Variants in MTERF3 observed in about 807,000 individuals in gnomAD.
MTERF3 encodes mitochondrial transcription termination factor 3.
In MTERF3, 40 loss-of-function variants were observed where a neutral mutation model predicts 40.5. That is an observed-to-expected ratio of 0.99 (90% confidence interval 0.77 to 1.29). MTERF3 has a LOEUF of 1.29. MTERF3 is among the 50% of genes most tolerant of loss of function. The pLI is 0.00. For synonymous variants in MTERF3, 158 were observed against 166.6 expected (o/e 0.95, Z 0.40); for missense variants, 452 against 478.2 (o/e 0.95, Z 0.51).
rs546760109 is a variant in MTERF3 at position 96,241,752 on chromosome 8, T to C, written c.1060-2067A>G. 1.8e-4 allele frequency among the ~76,000 whole-genome samples: 28 copies of C among 152,274 alleles called. No homozygotes were observed. In the South Asian group the frequency reaches 5.6e-3, roughly 30 times the overall value. On this transcript the variant is annotated intron_variant, in intron 7 of 7. Transcript: ENST00000287025. ...CAAAAATTTCATCCTATTAATGACA[T>C]ATTAAATTCTTCGGAGTTAAAAAAA...
chr8:96,250,291 T>C (rs1193041978), intron 4 of MTERF3, among the ~76,000 whole-genome samples: 1 of 149,532 alleles, frequency 6.7e-6, no homozygotes, highest in Non-Finnish European at 1.5e-5. Context: ...ATCATATCTT[T>C]AAGTGCACTC....
At chr8:96,250,628 AGAAGAAGAAGAAGAAG>A (rs1810138416) in intron 4 of MTERF3, among the ~76,000 whole-genome samples, 1 of 19,194 alleles carries the variant, frequency 5.2e-5, no homozygotes, top group African/African-American at 2.8e-4. Flanking sequence ...AAGAAGAAGA[AGAAGAAGAAGAAGAAG>A]AAGAAGAAGA....
chr8:96,250,905 C>T lies in MTERF3; in HGVS notation c.677+1G>A. 2 of 1,602,104 alleles carry T rather than the reference C, an allele frequency of 1.2e-6. No individual in the cohort carries two copies. Among genetic ancestry groups the T allele is most frequent in the Non-Finnish European group, 1.7e-6 (2 of 1,177,194 alleles). ...TATGAGAATCCTTTTAAAAGTCCTA[C>T]CTGGTCTTCAGATTTTCAAGGTCTT... On this transcript the variant is annotated splice_donor_variant, in intron 4 of 7. Transcript: ENST00000287025. LOFTEE classifies it high-confidence loss of function.
At chr8:96,259,910 A>ATTTTTTTTTTT (rs1480885586) in intron 1 of MTERF3, among the ~76,000 whole-genome samples, 1 of 149,356 alleles carries the variant, frequency 6.7e-6, no homozygotes, top group African/African-American at 2.5e-5. Flanking sequence ...TATTATTATT[A>ATTTTTTTTTTT]TTATTTTTTT....
At position 96,249,525 on chromosome 8, in the gene MTERF3, G is replaced by A. The variant is rs376987065; in HGVS notation, c.677+1381C>T. On this transcript the variant is annotated intron_variant, in intron 4 of 7. Transcript: ENST00000287025. ...ACTGTTTTTGATGTCTAAAGTTTAG[G>A]CCAGTGTCTCACATATAGAAGGGCT... Among the ~76,000 whole-genome samples the A allele has an allele frequency of 3.0e-4, 45 of 152,240 alleles. 3 individuals carry two copies. The highest frequency in any genetic ancestry group is 2.1e-3 in the Admixed American group (32 of 15,300).
chr8:96,253,631 ATGC>A (rs1810226118), intron 3 of MTERF3, among the ~76,000 whole-genome samples: 1 of 152,200 alleles, frequency 6.6e-6, no homozygotes, highest in Admixed American at 6.5e-5. Flanking sequence ...CTTCTAAGAC[ATGC>A]TGTTGAAGTA....
intron 1 of MTERF3, 143 bp from the exon 2 acceptor site, chr8:96,258,843 T>A: frequency 3.2e-6 from 2 of 622,962 alleles, no homozygotes; most frequent in Non-Finnish European, 5.2e-6. Context: ...TAGTCTAAAA[T>A]AGTGAGATGT....
At chr8:96,246,260 A>G (rs750118648) in intron 5 of MTERF3, 47 bp downstream of exon 5, 2 of 1,526,464 alleles carry the variant, frequency 1.3e-6, no homozygotes, top group Non-Finnish European at 1.8e-6. Flanking sequence ...ATCAGCTATT[A>G]AAATGTACCT....
chr8:96,257,989 C>G (rs1342149865), intron 2 of MTERF3, among the ~76,000 whole-genome samples: 1 of 152,078 alleles, frequency 6.6e-6, no homozygotes, highest in East Asian at 1.9e-4. Context: ...TTCTTACACA[C>G]TAAATGCATA....
intron 1 of MTERF3, among the ~76,000 whole-genome samples, chr8:96,259,200 C>A (rs571636327): frequency 6.6e-6 from 1 of 152,312 alleles, no homozygotes; most frequent in African/African-American, 2.4e-5. Flanking sequence ...AAACAGAAAT[C>A]TACTGTGTCC....
intron 3 of MTERF3, among the ~76,000 whole-genome samples, chr8:96,251,357 G>A (rs1379519994): frequency 6.6e-6 from 1 of 152,160 alleles, no homozygotes; most frequent in African/African-American, 2.4e-5. Context: ...AGTCATATTG[G>A]TGTAGGGTCA....
intron 4 of MTERF3, 130 bp downstream of exon 4, chr8:96,250,776 G>T (rs562419504): frequency 1.6e-5 from 11 of 706,152 alleles, no homozygotes; most frequent in Non-Finnish European, 2.4e-5. Context: ...ATCAAAGAAG[G>T]TCTATAACAA....
chr8:96,244,062 C>G lies in MTERF3; in HGVS notation c.916G>C (p.Gly306Arg). ...TGTTGAATTTCGTTATGTTTAAAAC[C>G]AAGTTCAAGACGATAAACCTAAAAG... ...ENMKVYRLELGFKHNEIQHMI... is the reference protein window; with the variant it reads ...ENMKVYRLELRFKHNEIQHMI... Residue 306 changes from glycine (G) to arginine (R), a missense_variant, in exon 7 of 8, where the codon GGT (glycine) becomes CGT (arginine). By Grantham distance (125) the Gly-to-Arg change is moderately radical (BLOSUM62 -2). Coordinates refer to ENST00000287025, the MANE Select transcript of MTERF3 (RefSeq NM_015942.5). The G allele has an allele frequency of 6.2e-7, 1 of 1,611,832 alleles. No homozygotes were observed. The highest frequency in any genetic ancestry group is 8.5e-7 in the Non-Finnish European group (1 of 1,178,252).
chr8:96,251,693 C>T (rs1810188394), intron 3 of MTERF3, among the ~76,000 whole-genome samples: 1 of 151,984 alleles, frequency 6.6e-6, no homozygotes, highest in South Asian at 2.1e-4. Context: ...TACAACAAAG[C>T]AGAAAGTATA....
rs1586160759 is a variant in MTERF3, at chr8:96,239,771, G to A, written c.1060-86C>T. On this transcript the variant is annotated intron_variant, in intron 7 of 7. Coordinates refer to ENST00000287025, the MANE Select transcript of MTERF3 (RefSeq NM_015942.5). ...GTTTACTTGGCAAAAATTTTAATAG[G>A]TTAACCAATACCAAGTACTGACCAT... The A allele has an allele frequency of 3.3e-6, 3 of 920,456 alleles. No individual in the cohort carries two copies. In the East Asian group the frequency reaches 7.6e-5, roughly 23 times the overall value. 57.0% of individuals were successfully genotyped at this position (920,456 alleles called of 1,614,324 possible).
At chr8:96,249,604 G>C (rs561005039) in intron 4 of MTERF3, among the ~76,000 whole-genome samples, 1 of 152,130 alleles carries the variant, frequency 6.6e-6, no homozygotes, top group Non-Finnish European at 1.5e-5. Context: ...TCCTAATTCC[G>C]AGAAAAGACA....
intron 1 of MTERF3, among the ~76,000 whole-genome samples, chr8:96,259,839 G>T (rs1360290414): frequency 2.6e-5 from 4 of 152,076 alleles, no homozygotes; most frequent in Admixed American, 2.6e-4. Context: ...GTTTTGGGAA[G>T]TTTGCTGAAA....
At chr8:96,245,814 A>G in intron 6 of MTERF3, 46 bp downstream of exon 6, 1 of 1,538,794 alleles carries the variant, frequency 6.5e-7, no homozygotes, top group East Asian at 2.2e-5. Context: ...AGAGGATTTT[A>G]ACACTTAAAG....
intron 1 of MTERF3, chr8:96,260,049 C>G (rs1381073483): frequency 1.3e-5 from 2 of 152,088 alleles, no homozygotes; most frequent in Admixed American, 1.3e-4. Context: ...GGATTACCCA[C>G]GCCCGCTACT....
Sources: allele counts gnomAD v4.1 joint callset (sites outside exome capture counted in the v4.1 genomes callset), GRCh38; gene constraint gnomAD v4.1.1; transcripts MANE v1.5; gene names NCBI Gene and HGNC (gene_info 2026-07-23, HGNC 2026-07-21).